Variants in GNG2 observed in about 807,000 individuals in gnomAD.
GNG2 encodes guanine nucleotide-binding protein G(I)/G(S)/G(O) subunit gamma-2.
In GNG2, 5 loss-of-function variants were observed where a neutral mutation model predicts 5.5. The ratio of observed to expected loss-of-function variants is 0.91; its 90% confidence interval spans 0.48 to 1.92. The LOEUF (loss-of-function observed/expected upper bound fraction) is 1.92, where lower values mean the gene tolerates loss of function less well. GNG2 is among the 30% of genes most tolerant of loss of function. GNG2 has a pLI of 0.01. For synonymous variants in GNG2, 28 were observed against 32.0 expected, an observed-to-expected ratio of 0.88 and a Z score of 0.42; for missense variants, 55 against 88.4, an observed-to-expected ratio of 0.62 and a Z score of 1.52.
At chr14:51,930,605 G>A (rs542174737) in intron 2 of GNG2, among the ~76,000 whole-genome samples, 1 of 152,322 alleles carries the variant, frequency 6.6e-6, no homozygotes, top group South Asian at 2.1e-4. Context: ...TACAATATGA[G>A]TCCTTGAAGG....
chr14:51,906,978 A>G (rs558634073), intron 2 of GNG2, among the ~76,000 whole-genome samples: 3 of 152,018 alleles, frequency 2.0e-5, no homozygotes, highest in Non-Finnish European at 4.4e-5. Flanking sequence ...GATGGTCTCG[A>G]TCTCCTGACC....
upstream of GNG2, among the ~76,000 whole-genome samples, chr14:51,857,723 G>A (rs1007344150): frequency 2.6e-5 from 4 of 152,256 alleles, no homozygotes; most frequent in African/African-American, 9.6e-5. Context: ...GAAAGGAAGA[G>A]GAACTTTAAA....
At chr14:51,872,310 T>TTGTGTGTGTGTGTGTGTGTGTGTGTGTG (rs35147124) in intron 1 of GNG2, among the ~76,000 whole-genome samples, 1 of 149,876 alleles carries the variant, frequency 6.7e-6, no homozygotes, top group Admixed American at 6.7e-5. Flanking sequence ...AATGACTATT[T>TTGTGTGTGTGTGTGTGTGTGTGTGTGTG]TGTGTGTGTG....
At chr14:51,950,852 C>A in intron 3 of GNG2, 87 bp downstream of exon 3, 2 of 661,804 alleles carry the variant, frequency 3.0e-6, no homozygotes, top group East Asian at 6.2e-5. Flanking sequence ...GGGATAAAAC[C>A]AGTAATGACA....
chr14:51,843,508 G>T (rs1165853841), intron 2 of GNG2, among the ~76,000 whole-genome samples: 1 of 151,850 alleles, frequency 6.6e-6, no homozygotes, highest in Non-Finnish European at 1.5e-5. Context: ...GGTGGGTGCA[G>T]CAAACCACAT....
At chr14:51,852,047 T>C (rs1435809644) in intron 2 of GNG2, among the ~76,000 whole-genome samples, 1 of 150,846 alleles carries the variant, frequency 6.6e-6, no homozygotes, top group African/African-American at 2.4e-5. Context: ...AGTGAGGGTG[T>C]ACGTAAATAT....
chr14:51,917,104 G>A (rs1366006825), intron 2 of GNG2, among the ~76,000 whole-genome samples: 4 of 152,144 alleles, frequency 2.6e-5, no homozygotes, highest in East Asian at 1.9e-4. Context: ...TAGGAAAAAC[G>A]CGATTTAATG....
At position 51,966,225 on chromosome 14, in the gene GNG2, A is replaced by G. The variant is rs953718798; in HGVS notation, c.88-334A>G. On this transcript the variant is annotated intron_variant, in intron 3 of 3. Coordinates refer to ENST00000556766, the MANE Select transcript of GNG2 (RefSeq NM_053064.5). Reference sequence around the variant, plus strand: ...ACTGCATCTCAAAAAAAAAAAAAAAAAAAAAAAAAAAACAAATGAAGGAGA... The same window carrying G: ...ACTGCATCTCAAAAAAAAAAAAAAAGAAAAAAAAAAAACAAATGAAGGAGA... Among the ~76,000 whole-genome samples the G allele has an allele frequency of 8.8e-5, 13 of 148,566 alleles. 1 individual carries two copies. In the South Asian group the frequency reaches 2.4e-3, roughly 27 times the overall value.
chr14:51,940,923 A>G (rs570467718), intron 2 of GNG2, among the ~76,000 whole-genome samples: 2 of 152,280 alleles, frequency 1.3e-5, no homozygotes, highest in Non-Finnish European at 2.9e-5. Flanking sequence ...CACTATTGAT[A>G]AGTTCACTAG....
chr14:51,913,648 G>C (rs557623850), intron 2 of GNG2, among the ~76,000 whole-genome samples: 1 of 152,318 alleles, frequency 6.6e-6, no homozygotes, highest in Admixed American at 6.5e-5. Flanking sequence ...AAGAAGCAGA[G>C]ATGTAGAGAG....
intron 2 of GNG2, among the ~76,000 whole-genome samples, chr14:51,846,037 T>C (rs556146773): frequency 1.3e-5 from 2 of 152,280 alleles, no homozygotes; most frequent in African/African-American, 4.8e-5. Flanking sequence ...CAAAATGACC[T>C]TGTGATTCAG....
intron 2 of GNG2, among the ~76,000 whole-genome samples, chr14:51,908,633 G>A (rs753086549): frequency 2.0e-5 from 3 of 149,712 alleles, no homozygotes; most frequent in East Asian, 2.0e-4. Context: ...GCAGTGGCGC[G>A]ATCTCGGCTC....
At chr14:51,926,583 A>G (rs559308972) in intron 2 of GNG2, among the ~76,000 whole-genome samples, 1 of 152,298 alleles carries the variant, frequency 6.6e-6, no homozygotes, top group South Asian at 2.1e-4. Flanking sequence ...AAGCATAAAG[A>G]GACTCCCTAC....
Position 51,884,550 on chromosome 14 carries a change from C to A in GNG2, c.-30+6893C>A, listed in dbSNP as rs115781020. On this transcript the variant is annotated intron_variant, in intron 2 of 3. Transcript: ENST00000556766. ...CAAGTCTTTTCCAATTAGTCTTGAG[C>A]CAGACCACATGGTAACTGTGAGGAA... is the stretch of plus-strand genomic sequence containing the variant. Among the ~76,000 whole-genome samples the A allele has an allele frequency of 2.5e-3, 376 of 152,272 alleles. 2 individuals are homozygous for A. Among genetic ancestry groups the A allele is most frequent in the African/African-American group, 8.7e-3 (361 of 41,546 alleles).
At chr14:51,956,723 A>G (rs894438587) in intron 3 of GNG2, among the ~76,000 whole-genome samples, 3 of 152,106 alleles carry the variant, frequency 2.0e-5, no homozygotes, top group African/African-American at 7.2e-5. Flanking sequence ...TACACAGGCA[A>G]TTTCCCGTGT....
chr14:51,932,850 G>C (rs1887746249), intron 2 of GNG2, among the ~76,000 whole-genome samples: 1 of 151,112 alleles, frequency 6.6e-6, no homozygotes, highest in African/African-American at 2.4e-5. Flanking sequence ...ATGTGATTAA[G>C]TTAAAGCTCT....
chr14:51,895,632 G>GA (rs1224525262), intron 2 of GNG2, among the ~76,000 whole-genome samples: 3 of 152,130 alleles, frequency 2.0e-5, no homozygotes, highest in South Asian at 2.1e-4. Context: ...TCTTTTTATG[G>GA]AAAAAAATTA....
chr14:51,929,797 C>A (rs759845921), intron 2 of GNG2, among the ~76,000 whole-genome samples: 1 of 152,020 alleles, frequency 6.6e-6, no homozygotes, highest in Non-Finnish European at 1.5e-5. Context: ...AGGCTGGCGT[C>A]GAGAGAAGAG....
chr14:51,941,475 A>G (rs1888314012), intron 2 of GNG2, among the ~76,000 whole-genome samples: 1 of 152,230 alleles, frequency 6.6e-6, no homozygotes, highest in Non-Finnish European at 1.5e-5. Flanking sequence ...ATCTCTCAGC[A>G]CCTACTGCAA....
Sources: gnomAD v4.1 joint callset for allele counts (sites outside exome capture counted in the v4.1 genomes callset) on GRCh38, gnomAD v4.1.1 for gene constraint, MANE v1.5 for transcripts, NCBI Gene and HGNC (gene_info 2026-07-23, HGNC 2026-07-21) for gene names.